GXYLT2: variants seen among roughly 807,000 people sequenced by gnomAD.
The protein encoded by GXYLT2 is glycosyltransferase 8 domain containing 4.
Under a neutral mutation model 45.8 loss-of-function variants are expected in GXYLT2, and 53 were observed. That is an observed-to-expected ratio of 1.16 (90% CI 0.93 to 1.46). The LOEUF is 1.46. Ranked by LOEUF, GXYLT2 falls within the 40% of genes most tolerant of loss-of-function variation. GXYLT2 has a pLI of 0.00. For missense variants in GXYLT2, 551 were observed against 544.4 expected (o/e 1.01, Z -0.12); for synonymous variants, 219 against 214.2 (o/e 1.02, Z -0.19).
At chr3:72,908,758 A>T (rs895262601) in intron 2 of GXYLT2, among the ~76,000 whole-genome samples, 199 bp downstream of exon 2, 71 of 152,298 alleles carry the variant, frequency 4.7e-4, no homozygotes, top group Admixed American at 5.9e-4. Context: ...ATTGAATGAG[A>T]CGAGGGTCTC....
At chr3:72,919,047 T>C (rs934817374) in intron 2 of GXYLT2, among the ~76,000 whole-genome samples, 21 of 152,220 alleles carry the variant, frequency 1.4e-4, no homozygotes, top group African/African-American at 4.6e-4. Context: ...TGCAAAATCA[T>C]GCAGCCACTT....
chr3:72,895,159 T>C (rs1366262891), intron 1 of GXYLT2, among the ~76,000 whole-genome samples: 1 of 152,140 alleles, frequency 6.6e-6, no homozygotes. Flanking sequence ...TGGAGAAGGC[T>C]GTTCTGCAAT....
intron 6 of GXYLT2, among the ~76,000 whole-genome samples, chr3:72,971,705 T>C (rs1710987563): frequency 1.3e-5 from 2 of 152,146 alleles, no homozygotes; most frequent in South Asian, 4.1e-4. Flanking sequence ...TCCCAGCACT[T>C]TGGGAGGCTG....
chr3:72,968,378 C>G (rs927118404), intron 6 of GXYLT2, among the ~76,000 whole-genome samples: 1 of 152,216 alleles, frequency 6.6e-6, no homozygotes, highest in Non-Finnish European at 1.5e-5. Flanking sequence ...TTACTCAGTT[C>G]TAGCTAAATA....
chr3:72,931,026 G>A (rs2322692), intron 3 of GXYLT2, among the ~76,000 whole-genome samples: 76,754 of 152,016 alleles, frequency 0.5, 22,151 homozygotes, highest in Non-Finnish European at 0.62. Flanking sequence ...ATACGTTCTT[G>A]TGAGTGCACA....
intron 2 of GXYLT2, among the ~76,000 whole-genome samples, chr3:72,915,652 C>G (rs570425109): frequency 6.6e-6 from 1 of 152,112 alleles, no homozygotes; most frequent in South Asian, 2.1e-4. Flanking sequence ...GCCTGGCCAA[C>G]ATGGTGAAAC....
chr3:72,940,100 A>G (rs987179267), intron 3 of GXYLT2, among the ~76,000 whole-genome samples: 21 of 152,134 alleles, frequency 1.4e-4, no homozygotes, highest in African/African-American at 4.3e-4. Context: ...GGAGGCTGCA[A>G]TGAGCCATGA....
intron 1 of GXYLT2, among the ~76,000 whole-genome samples, chr3:72,901,646 C>T (rs1342349083): frequency 2.0e-5 from 3 of 146,660 alleles, no homozygotes; most frequent in African/African-American, 5.1e-5. Flanking sequence ...CTGCAAGCTC[C>T]GCCTCCTGGG....
At chr3:72,930,123 G>A (rs754744900) in intron 3 of GXYLT2, among the ~76,000 whole-genome samples, 13 of 150,936 alleles carry the variant, frequency 8.6e-5, no homozygotes, top group Admixed American at 2.6e-4. Context: ...TTGAGATTGC[G>A]TCATTGCACT....
chr3:72,908,664 G>A, intron 2 of GXYLT2, 105 bp downstream of exon 2: 2 of 943,830 alleles, frequency 2.1e-6, no homozygotes, highest in South Asian at 1.7e-5. Context: ...ATGTTCAATT[G>A]TGTGACTTTG....
intron 5 of GXYLT2, among the ~76,000 whole-genome samples, chr3:72,959,810 CT>C (rs1025820726): frequency 1.3e-5 from 2 of 150,966 alleles, no homozygotes; most frequent in African/African-American, 4.9e-5. Context: ...AATTTTTGTG[CT>C]TTTAGTAGAG....
chr3:72,967,760 G>A (rs761737572), intron 6 of GXYLT2, 41 bp downstream of exon 6: 1 of 1,575,718 alleles, frequency 6.3e-7, no homozygotes, highest in East Asian at 2.2e-5. Flanking sequence ...GTGCTTATCA[G>A]CATGAAGCAA....
At chr3:72,899,025 C>G (rs891665496) in intron 1 of GXYLT2, among the ~76,000 whole-genome samples, 3 of 152,146 alleles carry the variant, frequency 2.0e-5, no homozygotes, top group Non-Finnish European at 1.5e-5. Context: ...GCCACCGCGC[C>G]CGGCCAGAGA....
chr3:72,966,923 C>T (rs1046852038), intron 5 of GXYLT2, among the ~76,000 whole-genome samples: 1 of 152,158 alleles, frequency 6.6e-6, no homozygotes, highest in African/African-American at 2.4e-5. Context: ...CCATGCCTGG[C>T]CCAGCTGCTA....
intron 2 of GXYLT2, 109 bp from the exon 3 acceptor site, chr3:72,922,094 TC>T: frequency 1.1e-6 from 1 of 928,840 alleles, no homozygotes; most frequent in East Asian, 2.5e-5. Flanking sequence ...AGTTAGACTT[TC>T]TGTGTAAGTT....
intron 3 of GXYLT2, among the ~76,000 whole-genome samples, chr3:72,941,085 C>T (rs959814950): frequency 3.3e-5 from 5 of 152,194 alleles, no homozygotes; most frequent in Admixed American, 2.6e-4. Context: ...AAGACATTCG[C>T]ATGCACCAGA....
At chr3:72,921,872 A>C (rs181248034) in intron 2 of GXYLT2, among the ~76,000 whole-genome samples, 1 of 145,824 alleles carries the variant, frequency 6.9e-6, no homozygotes, top group East Asian at 1.9e-4. Flanking sequence ...TTGTTATTAC[A>C]AACTAGGTTG....
At chr3:72,969,142 G>C (rs1300388304) in intron 6 of GXYLT2, among the ~76,000 whole-genome samples, 1 of 151,942 alleles carries the variant, frequency 6.6e-6, no homozygotes, top group East Asian at 1.9e-4. Flanking sequence ...GAGAAAATAG[G>C]GTGGGAATGC....
chr3:72,914,544 T>TGC (rs1318351792), intron 2 of GXYLT2, among the ~76,000 whole-genome samples: 18 of 150,350 alleles, frequency 1.2e-4, no homozygotes, highest in African/African-American at 4.0e-4. Context: ...TGTGTGTGTG[T>TGC]GTGCGCGCGC....
Sources: gnomAD v4.1 joint callset for allele counts (sites outside exome capture counted in the v4.1 genomes callset) on GRCh38, gnomAD v4.1.1 for gene constraint, MANE v1.5 for transcripts, NCBI Gene and HGNC (gene_info 2026-07-23, HGNC 2026-07-21) for gene names.